Variants in SLC22A16 observed in about 807,000 individuals in gnomAD.
The protein encoded by SLC22A16 is WUGSC:RG331P03.1.
SLC22A16 carries 53 observed loss-of-function variants against 52.9 expected under a neutral mutation model. The ratio of observed to expected loss-of-function variants is 1.00; its 90% confidence interval spans 0.80 to 1.26. The LOEUF is 1.26. SLC22A16 is among the 50% of genes most tolerant of loss of function. The pLI is 0.00. For missense variants in SLC22A16, 726 were observed against 704.0 expected, an observed-to-expected ratio of 1.03 and a Z score of -0.35; for synonymous variants, 291 against 268.8, an observed-to-expected ratio of 1.08 and a Z score of -0.81.
At chr6:110,465,712 G>T (rs933621176) in intron 1 of SLC22A16, among the ~76,000 whole-genome samples, 1 of 152,118 alleles carries the variant, frequency 6.6e-6, no homozygotes, top group African/African-American at 2.4e-5. Flanking sequence ...TGACCATACT[G>T]CCCAAGGCAA....
intron 7 of SLC22A16, among the ~76,000 whole-genome samples, chr6:110,425,853 T>G (rs1562273314): frequency 6.6e-6 from 1 of 152,262 alleles, no homozygotes; most frequent in African/African-American, 2.4e-5. Context: ...GAGCTAAATC[T>G]CTATACAATC....
chr6:110,466,604 T>C (rs1045623938), intron 1 of SLC22A16, among the ~76,000 whole-genome samples: 1 of 152,032 alleles, frequency 6.6e-6, no homozygotes, highest in Non-Finnish European at 1.5e-5. Flanking sequence ...AGAATAGCTA[T>C]TATTAAAAAG....
intron 3 of SLC22A16, among the ~76,000 whole-genome samples, chr6:110,445,821 A>G (rs548475789): frequency 1.3e-5 from 2 of 152,076 alleles, no homozygotes; most frequent in African/African-American, 4.8e-5. Context: ...CTCTACAGTC[A>G]CAGAGTTATG....
intron 4 of SLC22A16, among the ~76,000 whole-genome samples, chr6:110,439,353 C>G (rs561900964): frequency 6.6e-6 from 1 of 152,192 alleles, no homozygotes; most frequent in Non-Finnish European, 1.5e-5. Flanking sequence ...AAACTTCTAG[C>G]CTTCCTAAGC....
intron 2 of SLC22A16, chr6:110,453,594 G>A: frequency 4.4e-6 from 2 of 455,746 alleles, no homozygotes; most frequent in Non-Finnish European, 8.8e-6. Context: ...GTCCCACAAT[G>A]AGTCCAGATG....
chr6:110,470,524 C>T (rs531111858), intron 1 of SLC22A16, among the ~76,000 whole-genome samples: 100 of 152,260 alleles, frequency 6.6e-4, no homozygotes, highest in African/African-American at 2.3e-3. Flanking sequence ...ACCATTCAGG[C>T]GTCCAGTCTT....
intron 2 of SLC22A16, among the ~76,000 whole-genome samples, chr6:110,452,491 T>C (rs1210873193): frequency 1.3e-5 from 2 of 152,156 alleles, no homozygotes; most frequent in Non-Finnish European, 2.9e-5. Context: ...GAAGACATGT[T>C]TCATACATCC....
intron 7 of SLC22A16, among the ~76,000 whole-genome samples, chr6:110,428,012 C>T (rs186621108): frequency 6.6e-5 from 10 of 152,294 alleles, no homozygotes; most frequent in Admixed American, 1.3e-4. Flanking sequence ...ACTCAGTCAA[C>T]GATTGCCAAA....
Position 110,431,209 on chromosome 6 carries a change from A to G in SLC22A16, c.1483T>C (p.Ser495Pro). The G allele has an allele frequency of 6.2e-7, 1 of 1,613,864 alleles. No homozygotes were observed. The highest frequency in any genetic ancestry group is 1.1e-5 in the South Asian group (1 of 91,078). Residue 495 changes from serine to proline, a missense_variant, in exon 7 of 8, where the codon TCT becomes CCT. Ser to Pro is a moderately conservative substitution (Grantham distance 74). Coordinates refer to ENST00000368919, the MANE Select transcript of SLC22A16 (RefSeq NM_033125.4). Reference sequence around the variant, plus strand: ...ATCCAAATGCTGCTGAGGTCCACAGAGAACGGCGCCAGGATGCTGGCCAGG... The same window carrying G: ...ATCCAAATGCTGCTGAGGTCCACAGGGAACGGCGCCAGGATGCTGGCCAGG... The part of the protein sequence containing the change: ...CRLASILAPF[S>P]VDLSSIWIFI...
At chr6:110,440,887 G>A (rs1013159182) in intron 4 of SLC22A16, among the ~76,000 whole-genome samples, 1 of 152,240 alleles carries the variant, frequency 6.6e-6, no homozygotes, top group African/African-American at 2.4e-5. Flanking sequence ...CGTGTCTGAA[G>A]AGGAGCTAGT....
rs780431689 is a variant in SLC22A16 at position 110,425,061 on chromosome 6, G to A, written c.1546C>T (p.Leu516=). ...PQLFVGTMAL[L]SGVLTLKLPE... is the part of the protein sequence containing the mutation. ...AGCTTTAGTGTTAACACTCCACTCA[G>A]GAGGGCCATAGTCCCAACAAACAAC... Residue 516 remains leucine (L), a synonymous_variant, in exon 8 of 8, where the codon CTG becomes TTG. Coordinates refer to ENST00000368919, the MANE Select transcript of SLC22A16 (RefSeq NM_033125.4). 2.5e-6 allele frequency: 4 copies of A among 1,614,140 alleles called. No individual in the cohort carries two copies. In the African/African-American group the frequency reaches 4.0e-5, roughly 16 times the overall value.
At position 110,431,328 on chromosome 6, in the gene SLC22A16, G is replaced by T. The variant is rs1774495475; in HGVS notation, c.1422-58C>A. 5 of 1,445,954 alleles carry T rather than the reference G, an allele frequency of 3.5e-6. No homozygotes were observed. The African/African-American group carries it at 6.9e-5, about 20-fold the overall frequency. The allele number at this position is 1,445,954 out of a possible 1,614,324, so 89.6% of individuals were successfully genotyped here. A position where few individuals can be genotyped will look rare whatever the true frequency, so the allele number is the denominator to read the frequency against. On this transcript the variant is annotated intron_variant, in intron 6 of 7. Transcript: ENST00000368919. ...AGGCACAAGTGACCCAGGGATTGAG[G>T]GACCTGCTTCCTGCAGCTCCTTTCC... is the stretch of plus-strand genomic sequence containing the variant.
In SLC22A16 at chr6:110,446,953, T is replaced by C; in HGVS notation, c.571A>G (p.Ser191Gly). The change falls in exon 3 of 8, where the codon AGC becomes GGC. Residue 191 changes from serine to glycine, a missense_variant. Physicochemically the swap from Ser to Gly is moderately conservative, Grantham distance 56. Transcript: ENST00000368919. ...RRVVLWATSS[S>G]MFLFGIAAAF... ...GCTGCTATTCCAAACAAAAACATGC[T>C]ACTGCTTGTGGCCCACAAGACCACC... 2.5e-6 allele frequency: 4 copies of C among 1,613,908 alleles called. No homozygotes were observed. Among genetic ancestry groups the C allele is most frequent in the Non-Finnish European group, 3.4e-6 (4 of 1,179,908 alleles).
At chr6:110,471,425 C>A (rs755954700) in intron 1 of SLC22A16, among the ~76,000 whole-genome samples, 11 of 152,168 alleles carry the variant, frequency 7.2e-5, no homozygotes, top group Non-Finnish European at 1.6e-4. Flanking sequence ...ATAACCCTAC[C>A]CTAAAAGACA....
intron 6 of SLC22A16, among the ~76,000 whole-genome samples, chr6:110,432,372 A>G (rs935169891): frequency 4.6e-5 from 7 of 152,244 alleles, no homozygotes; most frequent in Admixed American, 2.6e-4. Flanking sequence ...CTTAAAAAAT[A>G]CTATAATATT....
intron 1 of SLC22A16, among the ~76,000 whole-genome samples, chr6:110,472,178 G>C (rs1455271570): frequency 9.2e-5 from 14 of 152,132 alleles, no homozygotes; most frequent in Non-Finnish European, 4.4e-5. Context: ...TAGAAATCCA[G>C]GGCATGGGAC....
At chr6:110,456,113 C>T (rs1237515292) in intron 2 of SLC22A16, 2 of 169,630 alleles carry the variant, frequency 1.2e-5, no homozygotes, top group Admixed American at 5.7e-5. Flanking sequence ...CAGGCTACTC[C>T]TATTAAAAAG....
rs149040018 is a variant in SLC22A16 at position 110,431,357 on chromosome 6, G to A, written c.1422-87C>T. On this transcript the variant is annotated intron_variant, in intron 6 of 7. Transcript: ENST00000368919. ...CTGCTTCCTGCAGCTCCTTTCCCAC[G>A]CTCCCCAGCAAGGATAAGGGTGGTC... 4,741 of 1,148,552 alleles carry A rather than the reference G, an allele frequency of 4.1e-3. 135 individuals are homozygous for A. The Admixed American group carries it at 0.056, about 13-fold the overall frequency. 71.1% of individuals were successfully genotyped at this position (1,148,552 alleles called of 1,614,324 possible). A position where few individuals can be genotyped will look rare whatever the true frequency, so the allele number is the denominator to read the frequency against.
intron 1 of SLC22A16, 120 bp downstream of exon 1, chr6:110,476,402 G>A (rs2494552): frequency 0.87 from 1,207,681 of 1,390,354 alleles, 529,917 homozygotes; most frequent in Middle Eastern, 0.9. Context: ...TGCGCGGGGT[G>A]AGGAGGAAGT....
Sources: gnomAD v4.1 joint callset for allele counts (sites outside exome capture counted in the v4.1 genomes callset) on GRCh38, gnomAD v4.1.1 for gene constraint, MANE v1.5 for transcripts, NCBI Gene and HGNC (gene_info 2026-07-23, HGNC 2026-07-21) for gene names.